BRD4: variants seen among roughly 807,000 people sequenced by gnomAD.
BRD4 encodes the protein bromodomain-containing protein 4.
Under a neutral mutation model 142.1 loss-of-function variants are expected in BRD4, and 16 were observed. That is an observed-to-expected ratio of 0.11 (90% CI 0.08 to 0.17). BRD4 has a LOEUF of 0.17. Among genes scored for constraint, BRD4 ranks in the 10% least tolerant of loss-of-function variants. The pLI is 1.00. For missense variants in BRD4, 1,424 were observed against 1,810.9 expected (o/e 0.79, Z 3.88); for synonymous variants, 833 against 707.5 (o/e 1.18, Z -2.82).
chr19:15,321,102 C>T (rs1229252509), intron 1 of BRD4, among the ~76,000 whole-genome samples: 5 of 151,990 alleles, frequency 3.3e-5, no homozygotes, highest in African/African-American at 1.2e-4. Context: ...GGCATGGTGG[C>T]GCATGCCTCT....
At chr19:15,321,368 C>T (rs1229977053) in intron 1 of BRD4, among the ~76,000 whole-genome samples, 1 of 150,698 alleles carries the variant, frequency 6.6e-6, no homozygotes, top group Non-Finnish European at 1.5e-5. Flanking sequence ...TATCAACAAG[C>T]GAGATGCTGC....
At chr19:15,305,666 G>C (rs2047907763) in intron 1 of BRD4, among the ~76,000 whole-genome samples, 1 of 152,152 alleles carries the variant, frequency 6.6e-6, no homozygotes, top group Non-Finnish European at 1.5e-5. Context: ...AAGGTCCTTG[G>C]ATATTCAGAA....
chr19:15,245,612 TCAC>T (rs2047279171), intron 11 of BRD4, among the ~76,000 whole-genome samples: 2 of 152,050 alleles, frequency 1.3e-5, no homozygotes, highest in East Asian at 3.9e-4. Context: ...ACCTCTGTCC[TCAC>T]CCCAGAGATT....
chr19:15,244,692 G>A lies in BRD4; in HGVS notation c.2211+18C>T, dbSNP rs2047270101. 1.2e-6 allele frequency: 2 copies of A among 1,614,008 alleles called. No individual in the cohort carries two copies. Among genetic ancestry groups the A allele is most frequent in the Non-Finnish European group, 8.5e-7 (1 of 1,180,032 alleles). On this transcript the variant is annotated intron_variant, in intron 12 of 19. Coordinates refer to ENST00000679869, the MANE Select transcript of BRD4 (RefSeq NM_001379291.1). ...CCCAACGTCCCACCTAATGAAGGAT[G>A]CCCCTGAGCCCATGTACCTTCTTCT...
At position 15,264,563 on chromosome 19, in the gene BRD4, C is replaced by T. The variant is rs199831061; in HGVS notation, c.1053G>A (p.Ser351=). Residue 351 remains serine (S), a synonymous_variant, in exon 6 of 20, where the codon TCG becomes TCA. Coordinates refer to ENST00000679869, the MANE Select transcript of BRD4 (RefSeq NM_001379291.1). The stretch of plus-strand genomic sequence containing the variant: ...TGCCGCTGCAGCACTTGAGCTGCTC[C>T]GAGACCTTGCTGCTCTTCTCTGGTG... ...HPAPEKSSKV[S]EQLKCCSGIL... The T allele has an allele frequency of 1.6e-5, 26 of 1,614,166 alleles. No homozygotes were observed. In the South Asian group the frequency reaches 2.1e-4, roughly 13 times the overall value.
intron 1 of BRD4, among the ~76,000 whole-genome samples, chr19:15,330,542 G>A (rs1262580935): frequency 6.6e-6 from 1 of 152,186 alleles, no homozygotes; most frequent in African/African-American, 2.4e-5. Context: ...GAGGAGGATG[G>A]AACACCTGAG....
chr19:15,242,233 G>A (rs966694210), intron 14 of BRD4, among the ~76,000 whole-genome samples: 2 of 152,182 alleles, frequency 1.3e-5, no homozygotes, highest in Non-Finnish European at 2.9e-5. Context: ...CTGAGGCCAG[G>A]ACCCTCCACC....
intron 11 of BRD4, 162 bp from the exon 12 acceptor site, chr19:15,244,924 GA>G: frequency 7.7e-7 from 1 of 1,293,182 alleles, no homozygotes; most frequent in East Asian, 2.5e-5. Context: ...CATCACGGGA[GA>G]GGGAGAGACA....
At chr19:15,309,226 G>A (rs1326249115) in intron 1 of BRD4, among the ~76,000 whole-genome samples, 7 of 151,154 alleles carry the variant, frequency 4.6e-5, no homozygotes, top group Admixed American at 6.6e-5. Context: ...CCAGCTACTC[G>A]GGAGGCTGAG....
intron 1 of BRD4, among the ~76,000 whole-genome samples, chr19:15,304,123 A>G (rs1241808775): frequency 6.6e-6 from 1 of 152,192 alleles, no homozygotes; most frequent in Non-Finnish European, 1.5e-5. Context: ...ACTTTTTTAC[A>G]CTTACCACAT....
rs2047203375 is a variant in BRD4 at position 15,237,575 on chromosome 19, G to C, written c.*802C>G. ...AAGCAGTGCCATTGTGTCTGGAGGA[G>C]AAGAGAGAATTAAAAATAAAATAGA... On this transcript the variant is annotated 3_prime_UTR_variant, in exon 20 of 20. Coordinates refer to ENST00000679869, the MANE Select transcript of BRD4 (RefSeq NM_001379291.1). 1 of 212,364 alleles carries C rather than the reference G, an allele frequency of 4.7e-6. No individual in the cohort carries two copies. The highest frequency in any genetic ancestry group is 9.4e-6 in the Non-Finnish European group (1 of 106,142). 13.2% of individuals were successfully genotyped at this position (212,364 alleles called of 1,614,324 possible).
chr19:15,314,842 T>C (rs545039974), intron 1 of BRD4, among the ~76,000 whole-genome samples: 1 of 152,054 alleles, frequency 6.6e-6, no homozygotes, highest in Non-Finnish European at 1.5e-5. Context: ...GCTTTGGAAA[T>C]TGGGTAATAC....
chr19:15,249,339 T>C (rs1568380519), intron 11 of BRD4: 2 of 1,613,572 alleles, frequency 1.2e-6, no homozygotes, highest in Non-Finnish European at 1.7e-6. Flanking sequence ...GTGTGGAATG[T>C]ACCATTTAAG....
rs1433986793 is a variant in BRD4, at chr19:15,239,855, G to C, written c.3283-34C>G. ...GCACAGGCACAGCGGCCGGTGAGGT[G>C]GGCAGGCACCCCCGGCCCTAGCCCA... On this transcript the variant is annotated intron_variant, in intron 15 of 19. Transcript: ENST00000679869. The surrounding 1 kb of genome is among the most constrained non-coding windows in gnomAD (Gnocchi z 7.4). 1.9e-6 allele frequency: 3 copies of C among 1,613,888 alleles called. No individual in the cohort carries two copies. In the Admixed American group the frequency reaches 5.0e-5, roughly 27 times the overall value.
At chr19:15,254,113 A>G in intron 11 of BRD4, 39 bp downstream of exon 11, 1 of 1,557,320 alleles carries the variant, frequency 6.4e-7, no homozygotes, top group Non-Finnish European at 8.9e-7. Context: ...CACAGGTGGG[A>G]AGAGTTTGGT....
Position 15,268,894 on chromosome 19 carries a change from C to T in BRD4, c.423+11G>A, listed in dbSNP as rs1309335906. The stretch of plus-strand genomic sequence containing the variant: ...CCCCAGGGCAGCTGGACACCCACCC[C>T]TACATCTCACCTTGTTGTAGATGTA... On this transcript the variant is annotated intron_variant, in intron 3 of 19. Coordinates refer to ENST00000679869, the MANE Select transcript of BRD4 (RefSeq NM_001379291.1). The T allele has an allele frequency of 7.4e-6, 12 of 1,613,850 alleles. No homozygotes were observed. Among genetic ancestry groups the T allele is most frequent in the Non-Finnish European group, 9.3e-6 (11 of 1,179,934 alleles).
chr19:15,253,786 G>A (rs1399185339), intron 11 of BRD4: 4 of 1,595,820 alleles, frequency 2.5e-6, no homozygotes, highest in South Asian at 1.1e-5. Context: ...GCAGAAAGCT[G>A]GGTGTGGTCA....
intron 1 of BRD4, among the ~76,000 whole-genome samples, chr19:15,298,869 A>G (rs1830899344): frequency 6.6e-6 from 1 of 152,136 alleles, no homozygotes; most frequent in South Asian, 2.1e-4. Flanking sequence ...CAGGTCTCAC[A>G]CTAAGACATC....
intron 1 of BRD4, among the ~76,000 whole-genome samples, chr19:15,311,529 G>A (rs1599517241): frequency 6.6e-6 from 1 of 151,942 alleles, no homozygotes; most frequent in Non-Finnish European, 1.5e-5. Flanking sequence ...AGTGGCTCAC[G>A]CCTGTAATCC....
Sources: allele counts gnomAD v4.1 joint callset (sites outside exome capture counted in the v4.1 genomes callset), GRCh38; gene constraint gnomAD v4.1.1; non-coding constraint Gnocchi (gnomAD v3.1); transcripts MANE v1.5; gene names NCBI Gene and HGNC (gene_info 2026-07-23, HGNC 2026-07-21).